The following PLEKHG1 variants were observed in gnomAD, a reference collection of about 807,000 sequenced individuals.
PLEKHG1 encodes the protein pleckstrin homology and RhoGEF domain containing G1, also known as pleckstrin homology domain-containing family G member 1.
Under a neutral mutation model 100.8 loss-of-function variants are expected in PLEKHG1, and 44 were observed. The ratio of observed to expected loss-of-function variants is 0.44; its 90% CI spans 0.34 to 0.56. The LOEUF (loss-of-function observed/expected upper bound fraction) is 0.56, where lower values mean the gene tolerates loss of function less well. Ranked by LOEUF, PLEKHG1 falls within the 20% of genes least tolerant of loss-of-function variation. The pLI is 0.01. For missense variants in PLEKHG1, 1,545 were observed against 1,720.9 expected, an observed-to-expected ratio of 0.90 and a Z score of 1.81; for synonymous variants, 640 against 662.5, an observed-to-expected ratio of 0.97 and a Z score of 0.52.
At chr6:150,710,430 A>G (rs765723788) in intron 3 of PLEKHG1, among the ~76,000 whole-genome samples, 1 of 152,168 alleles carries the variant, frequency 6.6e-6, no homozygotes, top group Non-Finnish European at 1.5e-5. Flanking sequence ...GTGATTTACT[A>G]TAACCACACC....
intron 1 of PLEKHG1, among the ~76,000 whole-genome samples, chr6:150,731,590 A>C (rs1342387036): frequency 2.0e-5 from 3 of 152,206 alleles, no homozygotes; most frequent in Non-Finnish European, 4.4e-5. Context: ...CTATTGAAAA[A>C]TGATCATTAC....
chr6:150,600,326 C>T lies in PLEKHG1; in HGVS notation c.-204+309C>T, dbSNP rs1037683517. Among the ~76,000 whole-genome samples, 1 of 151,298 alleles carries T rather than the reference C, an allele frequency of 6.6e-6. No homozygotes were observed. On this transcript the variant is annotated intron_variant, in intron 1 of 3. Coordinates refer to the PLEKHG1 transcript ENST00000367326. This position sits in a 1 kb window ranked among gnomAD's most constrained non-coding sequence, Gnocchi z 6.2. ...CCGCCGCCCCGCTTGGGGTTCCGCG[C>T]CCCCAAGTTCCCGGTGCTCCCGCCC...
At chr6:150,694,300 A>G (rs1265819858) in intron 3 of PLEKHG1, among the ~76,000 whole-genome samples, 1 of 152,156 alleles carries the variant, frequency 6.6e-6, no homozygotes, top group African/African-American at 2.4e-5. Flanking sequence ...TTTGAAAATT[A>G]TTTCATCTCT....
intron 13 of PLEKHG1, among the ~76,000 whole-genome samples, chr6:150,821,616 A>C (rs1336944935): frequency 6.6e-6 from 1 of 151,984 alleles, no homozygotes; most frequent in African/African-American, 2.4e-5. Flanking sequence ...CCTGGGAAGC[A>C]GAGGTTGCAG....
Position 150,831,747 on chromosome 6 carries a change from A to C in PLEKHG1, c.2636A>C (p.Glu879Ala). The C allele has an allele frequency of 2.5e-6, 4 of 1,613,648 alleles. No homozygotes were observed. The highest frequency in any genetic ancestry group is 3.4e-6 in the Non-Finnish European group (4 of 1,180,030). The change falls in exon 15 of 16, where the codon GAG (glutamate) becomes GCG (alanine). Residue 879 changes from glutamate (E) to alanine (A), a missense_variant. Glu to Ala is a moderately radical substitution (Grantham distance 107, BLOSUM62 -1). Transcript: ENST00000358517. This position sits in a 1 kb window ranked among gnomAD's most constrained non-coding sequence, Gnocchi z 4.1. Reference sequence around the variant, plus strand: ...AGGCTGCACGCAGAGAGCACCCCTGAGCTGAGCCGGGACGTGGGGCGCTCT... The same window carrying C: ...AGGCTGCACGCAGAGAGCACCCCTGCGCTGAGCCGGGACGTGGGGCGCTCT...
chr6:150,831,440 T>C lies in PLEKHG1; in HGVS notation c.2329T>C (p.Cys777Arg), dbSNP rs372241051. 1 of 1,614,180 alleles carries C rather than the reference T, an allele frequency of 6.2e-7. No individual in the cohort carries two copies. ...TTTGGGTCTGGAGGCCGACTTCGTG[T>C]GCTGTGACAGCCTGAGGCCATTTGT... The change falls in exon 15 of 16, where the codon TGC (cysteine) becomes CGC (arginine). Residue 777 changes from cysteine (C) to arginine (R), a missense_variant. By Grantham distance (180) the Cys-to-Arg change is radical (BLOSUM62 -3). Transcript: ENST00000358517. The surrounding 1 kb of genome is among the most constrained non-coding windows in gnomAD (Gnocchi z 4.1).
chr6:150,828,389 A>G, intron 14 of PLEKHG1: 1 of 1,604,774 alleles, frequency 6.2e-7, no homozygotes, highest in South Asian at 1.1e-5. Flanking sequence ...GACTGAGGCT[A>G]CAGCTGCTAT....
At chr6:150,633,557 G>A (rs992476857) in intron 1 of PLEKHG1, among the ~76,000 whole-genome samples, 1 of 152,216 alleles carries the variant, frequency 6.6e-6, no homozygotes, top group Non-Finnish European at 1.5e-5. Flanking sequence ...CATAAGTCTG[G>A]AGGCTTTGGC....
At chr6:150,621,448 C>T (rs1423370052) in intron 1 of PLEKHG1, among the ~76,000 whole-genome samples, 1 of 151,260 alleles carries the variant, frequency 6.6e-6, no homozygotes, top group Non-Finnish European at 1.5e-5. Flanking sequence ...AATCTCGGCT[C>T]ACTGCAACCT....
intron 3 of PLEKHG1, among the ~76,000 whole-genome samples, chr6:150,715,782 C>T (rs1317901388): frequency 6.7e-6 from 1 of 149,880 alleles, no homozygotes; most frequent in Non-Finnish European, 1.5e-5. Context: ...CCATGCCTGG[C>T]CCCTCACATT....
intron 3 of PLEKHG1, chr6:150,686,715 A>G (rs1466902926): frequency 6.6e-6 from 1 of 152,124 alleles, no homozygotes; most frequent in East Asian, 1.9e-4. Flanking sequence ...TGATAACGCA[A>G]GAAGGATGAG....
chr6:150,803,525 T>A (rs912637303), intron 6 of PLEKHG1, among the ~76,000 whole-genome samples: 5 of 152,174 alleles, frequency 3.3e-5, no homozygotes, highest in Non-Finnish European at 5.9e-5. Flanking sequence ...TCTTATGTGC[T>A]CAAAAGAACT....
intron 1 of PLEKHG1, among the ~76,000 whole-genome samples, chr6:150,729,900 C>G (rs542072411): frequency 7.2e-5 from 11 of 152,238 alleles, no homozygotes; most frequent in African/African-American, 2.4e-4. Context: ...TTATATTCCA[C>G]TCTTTCCCAC....
chr6:150,735,744 A>T (rs1782529163), intron 2 of PLEKHG1, among the ~76,000 whole-genome samples: 1 of 152,080 alleles, frequency 6.6e-6, no homozygotes, highest in Non-Finnish European at 1.5e-5. Flanking sequence ...TCTTTGGGCT[A>T]TGCTTTTTTT....
intron 4 of PLEKHG1, 34 bp downstream of exon 5, chr6:150,786,493 A>G (rs1471296783): frequency 1.5e-6 from 2 of 1,368,766 alleles, no homozygotes; most frequent in Admixed American, 1.7e-5. Context: ...GCCAACTGAG[A>G]CAGATACAGA....
intron 1 of PLEKHG1, among the ~76,000 whole-genome samples, chr6:150,611,811 C>CAAAAAAAA (rs35351890): frequency 4.1e-5 from 5 of 121,582 alleles, no homozygotes; most frequent in Non-Finnish European, 7.0e-5. Context: ...GACTCCATCT[C>CAAAAAAAA]AAAAAAAAAA....
intron 2 of PLEKHG1, among the ~76,000 whole-genome samples, chr6:150,642,688 T>G (rs1778321943): frequency 6.6e-6 from 1 of 152,240 alleles, no homozygotes; most frequent in African/African-American, 2.4e-5. Context: ...CCTTAGCACC[T>G]GCACTGGTAT....
rs1277686193 is a variant in PLEKHG1, at chr6:150,832,026, C to CA, written c.2920dup (p.Ser974LysfsTer15). On this transcript the variant is annotated frameshift_variant, in exon 15 of 16. Coordinates refer to ENST00000358517, the Ensembl canonical transcript of PLEKHG1. LOFTEE classifies it high-confidence loss of function. ...CTGGGGATGGAGGCCACAGATAAGA[C>CA]AAAAAGCAGGGTGTTTATGATGGCT... 6.2e-7 allele frequency: 1 copy of CA among 1,613,394 alleles called. No individual in the cohort carries two copies. Among genetic ancestry groups the CA allele is most frequent in the Non-Finnish European group, 8.5e-7 (1 of 1,179,868 alleles).
chr6:150,763,808 G>A (rs1378164204), intron 2 of PLEKHG1, among the ~76,000 whole-genome samples: 1 of 152,202 alleles, frequency 6.6e-6, no homozygotes, highest in Non-Finnish European at 1.5e-5. Flanking sequence ...ACTCACTCAT[G>A]CCACAGTGGA....
Sources: allele counts gnomAD v4.1 joint callset (sites outside exome capture counted in the v4.1 genomes callset), GRCh38; gene constraint gnomAD v4.1.1; non-coding constraint Gnocchi (gnomAD v3.1); transcripts MANE v1.5; gene names NCBI Gene and HGNC (gene_info 2026-07-23, HGNC 2026-07-21).